GALNT17: variants seen among roughly 807,000 people sequenced by gnomAD.
GALNT17 encodes polypeptide N-acetylgalactosaminyltransferase 17.
In GALNT17, 29 loss-of-function variants were observed where a neutral mutation model predicts 63.7. That is an observed-to-expected ratio of 0.46 (90% CI 0.34 to 0.62). The LOEUF is 0.62. Among genes scored for constraint, GALNT17 ranks in the 20% least tolerant of loss-of-function variants. The probability of loss-of-function intolerance (pLI) is 0.01; values close to 1 mark genes in which losing one functional copy is unlikely to be tolerated. For synonymous variants in GALNT17, 305 were observed against 318.3 expected (o/e 0.96, Z 0.45); for missense variants, 603 against 799.6 (o/e 0.75, Z 2.97).
chr7:71,542,499 T>A (rs936487751), intron 5 of GALNT17, among the ~76,000 whole-genome samples: 5 of 151,754 alleles, frequency 3.3e-5, no homozygotes, highest in Admixed American at 6.6e-5. Context: ...GATCAAGACC[T>A]TCCTGGCTAA....
intron 1 of GALNT17, among the ~76,000 whole-genome samples, chr7:71,190,654 C>A (rs118138459): frequency 6.6e-6 from 1 of 151,956 alleles, no homozygotes; most frequent in South Asian, 2.1e-4. Flanking sequence ...TTTTTTGAGA[C>A]GGGGTCTTGC....
intron 1 of GALNT17, among the ~76,000 whole-genome samples, chr7:71,143,930 G>A (rs993305904): frequency 6.6e-6 from 1 of 151,576 alleles, no homozygotes; most frequent in African/African-American, 2.4e-5. Flanking sequence ...TGTTGCTGGC[G>A]TGGCTGGCCC....
intron 5 of GALNT17, among the ~76,000 whole-genome samples, chr7:71,503,412 T>C (rs1362282241): frequency 1.3e-5 from 2 of 152,136 alleles, no homozygotes; most frequent in Non-Finnish European, 2.9e-5. Flanking sequence ...AATTTTTGTA[T>C]TTTTAGTAGA....
chr7:71,210,389 G>A (rs1443193817), intron 1 of GALNT17, among the ~76,000 whole-genome samples: 6 of 151,870 alleles, frequency 4.0e-5, no homozygotes, highest in East Asian at 1.9e-4. Context: ...CTCCTGCCTC[G>A]GCCTCCCAAA....
chr7:71,231,149 C>T (rs1325613392), intron 1 of GALNT17, among the ~76,000 whole-genome samples: 2 of 152,046 alleles, frequency 1.3e-5, no homozygotes, highest in Admixed American at 1.3e-4. Context: ...AATTCACTTT[C>T]CCCATTAGTA....
intron 1 of GALNT17, among the ~76,000 whole-genome samples, chr7:71,156,088 G>A (rs1788229641): frequency 6.6e-6 from 1 of 151,658 alleles, no homozygotes; most frequent in African/African-American, 2.4e-5. Flanking sequence ...CCCAGCTACT[G>A]GGGAGGCTGA....
intron 2 of GALNT17, among the ~76,000 whole-genome samples, chr7:71,373,843 T>C (rs1343127461): frequency 6.6e-6 from 1 of 152,144 alleles, no homozygotes; most frequent in East Asian, 1.9e-4. Context: ...CGTTGCTCTA[T>C]ACTGTCTCCC....
At chr7:71,268,367 C>A (rs1196120151) in intron 1 of GALNT17, among the ~76,000 whole-genome samples, 1 of 144,172 alleles carries the variant, frequency 6.9e-6, no homozygotes, top group East Asian at 2.1e-4. Flanking sequence ...CATGGTGAAA[C>A]CCCGTGTCTA....
chr7:71,655,620 A>T (rs1790817887), intron 6 of GALNT17, among the ~76,000 whole-genome samples: 1 of 152,184 alleles, frequency 6.6e-6, no homozygotes, highest in African/African-American at 2.4e-5. Flanking sequence ...GGAAGAATGC[A>T]TGTGCCTGAC....
intron 1 of GALNT17, among the ~76,000 whole-genome samples, chr7:71,296,743 A>T (rs1791087855): frequency 6.6e-6 from 1 of 151,962 alleles, no homozygotes; most frequent in Admixed American, 6.6e-5. Flanking sequence ...GGGTATATGT[A>T]TGTAAATAAA....
At chr7:71,144,873 T>C (rs1008931588) in intron 1 of GALNT17, among the ~76,000 whole-genome samples, 43 of 152,176 alleles carry the variant, frequency 2.8e-4, no homozygotes, top group African/African-American at 8.4e-4. Context: ...GGACTACAGG[T>C]GCATGCCACC....
intron 5 of GALNT17, among the ~76,000 whole-genome samples, chr7:71,535,142 T>C (rs1161032391): frequency 6.6e-6 from 1 of 152,188 alleles, no homozygotes; most frequent in Non-Finnish European, 1.5e-5. Flanking sequence ...TTGTCATCCT[T>C]CAAGAGGACA....
intron 1 of GALNT17, among the ~76,000 whole-genome samples, chr7:71,204,452 A>G (rs1780590824): frequency 6.6e-6 from 1 of 152,150 alleles, no homozygotes; most frequent in African/African-American, 2.4e-5. Context: ...TTGGAATTTG[A>G]TAGGGATTGC....
At chr7:71,494,995 G>A (rs1788072247) in intron 5 of GALNT17, among the ~76,000 whole-genome samples, 2 of 152,204 alleles carry the variant, frequency 1.3e-5, no homozygotes, top group African/African-American at 4.8e-5. Flanking sequence ...TTGGGGCCAG[G>A]TGCAGTGGCT....
chr7:71,665,559 A>G lies in GALNT17; in HGVS notation c.1229A>G (p.Lys410Arg). 1.9e-6 allele frequency: 3 copies of G among 1,614,048 alleles called. No homozygotes were observed. The highest frequency in any genetic ancestry group is 2.5e-6 in the Non-Finnish European group (3 of 1,179,994). Residue 410 changes from lysine to arginine, a missense_variant, in exon 7 of 11, where the codon AAG becomes AGG. Around this residue, in one of 3 missense-constraint regions of GALNT17, gnomAD observed 336 missense variants for 507.8 expected, o/e 0.66. Transcript: ENST00000333538. ...RVAEVWMDDYKSHVYIAWNLP... is the reference protein window; with the variant it reads ...RVAEVWMDDYRSHVYIAWNLP... The stretch of plus-strand genomic sequence containing the variant: ...GCTGAGGTCTGGATGGACGATTACA[A>G]GTCTCATGTGTACATAGCGTGGAAC...
chr7:71,298,768 T>C (rs1054021310), intron 1 of GALNT17, among the ~76,000 whole-genome samples: 13 of 152,018 alleles, frequency 8.6e-5, no homozygotes, highest in African/African-American at 3.1e-4. Flanking sequence ...GTACACAGGC[T>C]AGTGCCTTCT....
At chr7:71,621,537 T>TGGATGGATGGATGGATG (rs1554316541) in intron 6 of GALNT17, among the ~76,000 whole-genome samples, 5 of 138,952 alleles carry the variant, frequency 3.6e-5, no homozygotes, top group Admixed American at 2.1e-4. Context: ...ATGGATGGAT[T>TGGATGGATGGATGGATG]GATGGATTGA....
chr7:71,699,419 T>C (rs1264283021), intron 9 of GALNT17, among the ~76,000 whole-genome samples: 2 of 145,996 alleles, frequency 1.4e-5, no homozygotes, highest in African/African-American at 5.1e-5. Context: ...GAGGTTGCAG[T>C]GAGCCGAGAT....
chr7:71,426,784 G>A (rs978566987), intron 5 of GALNT17, among the ~76,000 whole-genome samples: 1 of 151,900 alleles, frequency 6.6e-6, no homozygotes, highest in Non-Finnish European at 1.5e-5. Context: ...GCTGGGCATG[G>A]TGATGCACAC....
Sources: gnomAD v4.1 joint callset for allele counts (sites outside exome capture counted in the v4.1 genomes callset) on GRCh38, gnomAD v4.1.1 for gene constraint, gnomAD v4.1.1 regional missense constraint, MANE v1.5 for transcripts, NCBI Gene and HGNC (gene_info 2026-07-23, HGNC 2026-07-21) for gene names.